Variants in CPED1 observed in about 807,000 individuals in gnomAD.
The protein encoded by CPED1 is cadherin like and PC-esterase domain containing 1, also known as cadherin-like and PC-esterase domain-containing protein 1.
A neutral mutation model predicts 128.2 loss-of-function variants in CPED1; 114 were observed. The ratio of observed to expected loss-of-function variants is 0.89; its 90% CI spans 0.76 to 1.04. CPED1 has a LOEUF of 1.04. CPED1 is among the 50% of genes least tolerant of loss of function. The pLI is 0.00. For synonymous variants in CPED1, 462 were observed against 426.7 expected (o/e 1.08, Z -1.02); for missense variants, 1,211 against 1,207.1 (o/e 1.00, Z -0.05).
At chr7:121,259,699 C>T (rs1791966661) in intron 18 of CPED1, among the ~76,000 whole-genome samples, 1 of 151,964 alleles carries the variant, frequency 6.6e-6, no homozygotes, top group Admixed American at 6.6e-5. Flanking sequence ...ACTGCAAAAA[C>T]TTAGAAGCCT....
chr7:121,034,532 C>T (rs1792835518), intron 3 of CPED1, among the ~76,000 whole-genome samples: 1 of 152,108 alleles, frequency 6.6e-6, no homozygotes, highest in Non-Finnish European at 1.5e-5. Flanking sequence ...AGGTGTGAGC[C>T]ACTGCGCCTG....
intron 5 of CPED1, among the ~76,000 whole-genome samples, chr7:121,080,603 C>A (rs6956851): frequency 0.79 from 120,663 of 152,048 alleles, 48,170 homozygotes; most frequent in East Asian, 0.96. Context: ...AGAAAATTCA[C>A]CCTAAAATTT....
chr7:121,189,685 T>C (rs1797083828), intron 16 of CPED1, among the ~76,000 whole-genome samples: 1 of 149,050 alleles, frequency 6.7e-6, no homozygotes, highest in South Asian at 2.1e-4. Context: ...TAGGTGATTT[T>C]TAAAGTCACC....
Position 121,241,062 on chromosome 7 carries a change from G to GAATT in CPED1, c.2174-3140_2174-3139insAATT, listed in dbSNP as rs1390295043. On this transcript the variant is annotated intron_variant, in intron 17 of 22. Coordinates refer to ENST00000310396, the MANE Select transcript of CPED1 (RefSeq NM_024913.5). Reference sequence around the variant, plus strand: ...TGAATGAAAAAGAAATTATAAAACAGGCCGGGCGCGGTGGCTCACGCCTGT... The same window carrying GAATT: ...TGAATGAAAAAGAAATTATAAAACAGAATTGCCGGGCGCGGTGGCTCACGCCTGT... Among the ~76,000 whole-genome samples, 472 of 127,078 alleles carry GAATT rather than the reference G, an allele frequency of 3.7e-3. 20 individuals are homozygous for GAATT. The highest frequency in any genetic ancestry group is 5.1e-3 in the South Asian group (21 of 4,082). The allele number at this position is 127,078 out of a possible 152,430, so 83.4% of individuals were successfully genotyped here.
At position 121,293,990 on chromosome 7, in the gene CPED1, A is replaced by G. The variant is rs563556461; in HGVS notation, c.2869-1450A>G. On this transcript the variant is annotated intron_variant, in intron 22 of 22. Coordinates refer to ENST00000310396, the MANE Select transcript of CPED1 (RefSeq NM_024913.5). ...GCCCCCCATTCGTTATTCATTTATA[A>G]AGACACCCAAAACATCCTTACCAGT... 2.0e-5 allele frequency among the ~76,000 whole-genome samples: 3 copies of G among 152,078 alleles called. No individual in the cohort carries two copies. In the South Asian group the frequency reaches 6.2e-4, roughly 32 times the overall value.
intron 5 of CPED1, among the ~76,000 whole-genome samples, chr7:121,088,475 T>C (rs1441072608): frequency 6.6e-6 from 1 of 151,746 alleles, no homozygotes; most frequent in Non-Finnish European, 1.5e-5. Context: ...CTGACCAACA[T>C]AGTGACACCC....
intron 2 of CPED1, among the ~76,000 whole-genome samples, chr7:121,013,862 G>A (rs1314197537): frequency 2.0e-5 from 3 of 152,206 alleles, no homozygotes; most frequent in Admixed American, 2.0e-4. Flanking sequence ...CAAAGATTTT[G>A]ATAGGTGCTA....
intron 16 of CPED1, among the ~76,000 whole-genome samples, chr7:121,183,221 C>G (rs1338319900): frequency 6.6e-6 from 1 of 152,096 alleles, no homozygotes; most frequent in Non-Finnish European, 1.5e-5. Context: ...AGCTTCCACT[C>G]AGTTTAGAAA....
intron 2 of CPED1, among the ~76,000 whole-genome samples, chr7:121,013,207 G>A (rs1792208140): frequency 6.6e-6 from 1 of 152,174 alleles, no homozygotes; most frequent in Admixed American, 6.5e-5. Flanking sequence ...AAGGCTCAAT[G>A]TGTATTTGGT....
At chr7:121,001,416 G>A (rs1331034158) in intron 2 of CPED1, among the ~76,000 whole-genome samples, 2 of 152,122 alleles carry the variant, frequency 1.3e-5, no homozygotes, top group African/African-American at 2.4e-5. Context: ...GCTGACCTGA[G>A]CATATTTTGA....
intron 3 of CPED1, among the ~76,000 whole-genome samples, chr7:121,021,594 G>A (rs1404263161): frequency 6.6e-6 from 1 of 151,900 alleles, no homozygotes; most frequent in African/African-American, 2.4e-5. Context: ...AACTTTCTTG[G>A]GGAGGTAGTA....
chr7:121,009,539 G>A (rs578200501), intron 2 of CPED1, among the ~76,000 whole-genome samples: 24 of 151,290 alleles, frequency 1.6e-4, no homozygotes, highest in African/African-American at 5.8e-4. Flanking sequence ...CCTGAGAGGA[G>A]GAGGTTGTAG....
intron 7 of CPED1, among the ~76,000 whole-genome samples, chr7:121,122,327 G>T (rs1258874100): frequency 6.6e-6 from 1 of 151,956 alleles, no homozygotes; most frequent in Non-Finnish European, 1.5e-5. Context: ...TTTTAGTAGA[G>T]ATGGGGTTTC....
intron 5 of CPED1, among the ~76,000 whole-genome samples, chr7:121,071,246 A>T (rs1793981349): frequency 6.6e-6 from 1 of 152,280 alleles, no homozygotes; most frequent in East Asian, 1.9e-4. Flanking sequence ...CATGTTTCTT[A>T]TCCCTGTACA....
chr7:121,104,382 A>G (rs1272990398), intron 7 of CPED1, among the ~76,000 whole-genome samples: 3 of 152,172 alleles, frequency 2.0e-5, no homozygotes, highest in African/African-American at 7.2e-5. Flanking sequence ...AAGAAATGTC[A>G]TAAATTTAAA....
At chr7:120,991,669 C>T (rs1562983707) in intron 2 of CPED1, among the ~76,000 whole-genome samples, 3 of 152,128 alleles carry the variant, frequency 2.0e-5, no homozygotes, top group Non-Finnish European at 1.5e-5. Context: ...ATAGAAAATT[C>T]GATTTCAACT....
At chr7:121,135,616 CATTT>C (rs565184636) in intron 13 of CPED1, among the ~76,000 whole-genome samples, 57 of 152,102 alleles carry the variant, frequency 3.7e-4, no homozygotes, top group South Asian at 3.5e-3. Flanking sequence ...TTTATTCATT[CATTT>C]GTTTCATAAA....
At position 121,103,671 on chromosome 7, in the gene CPED1, TTGTG is replaced by T. The variant is rs142776626; in HGVS notation, c.918+3589_918+3592del. Among the ~76,000 whole-genome samples, 3 of 151,396 alleles carry T rather than the reference TTGTG, an allele frequency of 2.0e-5. No homozygotes were observed. In the East Asian group the frequency reaches 5.8e-4, roughly 29 times the overall value. On this transcript the variant is annotated intron_variant, in intron 7 of 22. Transcript: ENST00000310396. ...TCCTTAAATTCCACAAAACATAATT[TTGTG>T]TGTGTGTGTGTATGTGCACGTGTGT...
At chr7:121,156,017 T>C (rs1376411293) in intron 16 of CPED1, among the ~76,000 whole-genome samples, 1 of 152,106 alleles carries the variant, frequency 6.6e-6, no homozygotes, top group Non-Finnish European at 1.5e-5. Context: ...AAAATAAATC[T>C]GATTTTAAAA....
Sources: gnomAD v4.1 joint callset for allele counts (sites outside exome capture counted in the v4.1 genomes callset) on GRCh38, gnomAD v4.1.1 for gene constraint, MANE v1.5 for transcripts, NCBI Gene and HGNC (gene_info 2026-07-23, HGNC 2026-07-21) for gene names.